The following RNFT2 variants were observed in gnomAD, a reference collection of about 807,000 sequenced individuals.
The protein encoded by RNFT2 is ring finger protein, transmembrane 2.
RNFT2 carries 36 observed loss-of-function variants against 53.0 expected under a neutral mutation model. That is an observed-to-expected ratio of 0.68 (90% CI 0.52 to 0.90). The LOEUF (loss-of-function observed/expected upper bound fraction) is 0.90, where lower values mean the gene tolerates loss of function less well. RNFT2 is among the 40% of genes least tolerant of loss of function. RNFT2 has a pLI of 0.00. For missense variants in RNFT2, 514 were observed against 585.6 expected (o/e 0.88, Z 1.26); for synonymous variants, 260 against 253.2 (o/e 1.03, Z -0.26).
chr12:116,766,157 C>T (rs1373240722), intron 5 of RNFT2, among the ~76,000 whole-genome samples: 2 of 151,940 alleles, frequency 1.3e-5, no homozygotes, highest in Admixed American at 6.6e-5. Context: ...TGACACCTGC[C>T]TGTGGTGCTA....
At chr12:116,835,352 T>C (rs530437088) in intron 8 of RNFT2, among the ~76,000 whole-genome samples, 1 of 152,236 alleles carries the variant, frequency 6.6e-6, no homozygotes, top group Non-Finnish European at 1.5e-5. Context: ...CCGTGTTAAA[T>C]TGCACACCCT....
rs1876805199 is a variant in RNFT2 at position 116,833,707 on chromosome 12, T to A, written c.883-85T>A. 15 of 1,390,878 alleles carry A rather than the reference T, an allele frequency of 1.1e-5. No homozygotes were observed. The South Asian group carries it at 1.6e-4, about 15-fold the overall frequency. 86.2% of individuals were successfully genotyped at this position (1,390,878 alleles called of 1,614,324 possible). A position where few individuals can be genotyped will look rare whatever the true frequency, so the allele number is the denominator to read the frequency against. Reference sequence around the variant, plus strand: ...GGCCTGCCTGTGACCTAGAATGTCATCACTGCCCGGGGCGGGGGGCCCCCC... The same window carrying A: ...GGCCTGCCTGTGACCTAGAATGTCAACACTGCCCGGGGCGGGGGGCCCCCC... On this transcript the variant is annotated intron_variant, in intron 7 of 10. Coordinates refer to ENST00000257575, the MANE Select transcript of RNFT2 (RefSeq NM_001382266.1).
intron 7 of RNFT2, among the ~76,000 whole-genome samples, chr12:116,804,116 A>G (rs1874935773): frequency 6.6e-6 from 1 of 152,230 alleles, no homozygotes; most frequent in Admixed American, 6.5e-5. Flanking sequence ...TTATGTCCAT[A>G]AACAAAATAT....
chr12:116,791,510 A>G (rs1181489676), intron 7 of RNFT2, among the ~76,000 whole-genome samples: 1 of 152,120 alleles, frequency 6.6e-6, no homozygotes, highest in African/African-American at 2.4e-5. Flanking sequence ...GGGTTTCGCC[A>G]TGTAGGCCAG....
chr12:116,820,297 G>A (rs1875942182), intron 7 of RNFT2, among the ~76,000 whole-genome samples: 1 of 152,090 alleles, frequency 6.6e-6, no homozygotes, highest in Non-Finnish European at 1.5e-5. Flanking sequence ...TCCCAGTCTG[G>A]TCTCGAATTC....
At chr12:116,741,348 G>T (rs951278373) in intron 3 of RNFT2, among the ~76,000 whole-genome samples, 1 of 152,212 alleles carries the variant, frequency 6.6e-6, no homozygotes, top group South Asian at 2.1e-4. Flanking sequence ...TTATAGAGAT[G>T]TCTTAGTCCA....
In RNFT2 at chr12:116,809,987, C is replaced by T. The variant is rs113163617; in HGVS notation, c.883-23805C>T. 3.5e-3 allele frequency among the ~76,000 whole-genome samples: 529 copies of T among 152,290 alleles called. 4 individuals are homozygous for T. Among genetic ancestry groups the T allele is most frequent in the African/African-American group, 0.012 (511 of 41,560 alleles). On this transcript the variant is annotated intron_variant, in intron 7 of 10. Coordinates refer to ENST00000257575, the MANE Select transcript of RNFT2 (RefSeq NM_001382266.1). ...ACCGTGCCTAGGCCAGAAAGACCTT[C>T]TTATTCTGCTGATTTGAGGAAACCA...
chr12:116,839,798 G>A (rs1877162886), intron 10 of RNFT2, among the ~76,000 whole-genome samples: 1 of 150,290 alleles, frequency 6.7e-6, no homozygotes, highest in African/African-American at 2.5e-5. Context: ...GGGAGGGGCG[G>A]AGGGGCCCAC....
At chr12:116,845,780 G>C (rs1003057392) in intron 10 of RNFT2, among the ~76,000 whole-genome samples, 11 of 152,002 alleles carry the variant, frequency 7.2e-5, no homozygotes, top group Non-Finnish European at 1.6e-4. Flanking sequence ...GCTCTGTGTG[G>C]ACTTCTCTCC....
At chr12:116,755,730 G>A in intron 5 of RNFT2, 1 of 1,485,506 alleles carries the variant, frequency 6.7e-7, no homozygotes, top group Non-Finnish European at 9.3e-7. Flanking sequence ...ATTCCTTTTT[G>A]AACAGTACCC....
chr12:116,814,678 AT>A (rs774723275), intron 7 of RNFT2, among the ~76,000 whole-genome samples: 242 of 145,304 alleles, frequency 1.7e-3, no homozygotes, highest in Middle Eastern at 7.2e-3. Flanking sequence ...GCCGTATGAT[AT>A]TTTTTTTTTT....
At chr12:116,773,323 C>G (rs1873284365) in intron 6 of RNFT2, among the ~76,000 whole-genome samples, 1 of 152,182 alleles carries the variant, frequency 6.6e-6, no homozygotes, top group South Asian at 2.1e-4. Context: ...GAAAACATAT[C>G]AACTAAGGGC....
At chr12:116,831,520 C>T (rs1486262904) in intron 7 of RNFT2, among the ~76,000 whole-genome samples, 2 of 151,236 alleles carry the variant, frequency 1.3e-5, no homozygotes, top group African/African-American at 4.9e-5. Context: ...CTTTTTTGTA[C>T]ATTGTGTTTT....
At position 116,766,908 on chromosome 12, in the gene RNFT2, A is replaced by G. The variant is rs1371249067; in HGVS notation, c.722A>G (p.Tyr241Cys). Residue 241 changes from tyrosine (Y) to cysteine (C), a missense_variant, in exon 6 of 11, where the codon TAC (tyrosine) becomes TGC (cysteine). Physicochemically the swap from Tyr to Cys is radical, Grantham distance 194. Coordinates refer to ENST00000257575, the MANE Select transcript of RNFT2 (RefSeq NM_001382266.1). ...VLYTFSSQQL[Y>C]NSLIFLKPNL... is the part of the protein sequence containing the mutation. ...TATACATTCAGCTCCCAGCAGCTGT[A>G]CAACAGGTGAGCATGGGAATCCAAC... The G allele has an allele frequency of 6.3e-7, 1 of 1,579,396 alleles. No individual in the cohort carries two copies. The highest frequency in any genetic ancestry group is 8.6e-7 in the Non-Finnish European group (1 of 1,161,580).
At chr12:116,792,413 C>G (rs1032620882) in intron 7 of RNFT2, among the ~76,000 whole-genome samples, 1 of 152,078 alleles carries the variant, frequency 6.6e-6, no homozygotes, top group African/African-American at 2.4e-5. Context: ...TAAAATTCCC[C>G]CAAGTCCAGG....
intron 6 of RNFT2, among the ~76,000 whole-genome samples, chr12:116,778,196 G>C (rs1797272925): frequency 6.6e-6 from 1 of 152,066 alleles, no homozygotes; most frequent in African/African-American, 2.4e-5. Context: ...CAAAACTAGA[G>C]GGGACTGTTA....
intron 3 of RNFT2, among the ~76,000 whole-genome samples, chr12:116,747,108 G>A (rs561908594): frequency 6.6e-6 from 1 of 152,300 alleles, no homozygotes; most frequent in South Asian, 2.1e-4. Flanking sequence ...CCAGCCTGGA[G>A]TGCAGTGGCG....
intron 7 of RNFT2, among the ~76,000 whole-genome samples, chr12:116,816,894 C>T (rs145937515): frequency 1.3e-3 from 197 of 152,244 alleles, no homozygotes; most frequent in Non-Finnish European, 2.2e-3. Flanking sequence ...CTTAGAAACC[C>T]CTTGTGTATA....
At chr12:116,800,848 TAA>T (rs1177932347) in intron 7 of RNFT2, among the ~76,000 whole-genome samples, 4 of 143,550 alleles carry the variant, frequency 2.8e-5, no homozygotes, top group African/African-American at 5.3e-5. Context: ...TAAAATAAAA[TAA>T]AATAAAATAA....
Sources: allele counts gnomAD v4.1 joint callset (sites outside exome capture counted in the v4.1 genomes callset), GRCh38; gene constraint gnomAD v4.1.1; transcripts MANE v1.5; gene names NCBI Gene and HGNC (gene_info 2026-07-23, HGNC 2026-07-21).